The following SESN3 variants were observed in gnomAD, a reference collection of about 807,000 sequenced individuals.
The protein encoded by SESN3 is sestrin 3.
Under a neutral mutation model 55.3 loss-of-function variants are expected in SESN3, and 21 were observed. The ratio of observed to expected loss-of-function variants is 0.38; its 90% CI spans 0.27 to 0.55. The LOEUF is 0.55. SESN3 is among the 20% of genes least tolerant of loss of function. The pLI is 0.76. For synonymous variants in SESN3, 181 were observed against 203.1 expected, an observed-to-expected ratio of 0.89 and a Z score of 0.93; for missense variants, 408 against 604.3, an observed-to-expected ratio of 0.68 and a Z score of 3.41.
Position 95,171,427 on chromosome 11 carries a change from A to T in SESN3, c.*1828T>A, listed in dbSNP as rs1165730287. ...TCAAACAGGATCCTGGAATCCAAAA[A>T]TGCAGAACTACCTTATGTTAATAAG... On this transcript the variant is annotated 3_prime_UTR_variant, in exon 10 of 10. Transcript: ENST00000536441. 1 of 152,146 alleles carries T rather than the reference A, an allele frequency of 6.6e-6. No homozygotes were observed. Among genetic ancestry groups the T allele is most frequent in the Non-Finnish European group, 1.5e-5 (1 of 67,986 alleles). The allele number at this position is 152,146 out of a possible 1,614,324, so 9.4% of individuals were successfully genotyped here.
chr11:95,185,599 C>G, intron 4 of SESN3, 107 bp from the exon 5 acceptor site: 2 of 724,232 alleles, frequency 2.8e-6, no homozygotes, highest in Admixed American at 4.9e-5. Context: ...AGTAATAAAA[C>G]TTAAAACTCT....
chr11:95,225,626 C>T (rs1266198644), intron 1 of SESN3, among the ~76,000 whole-genome samples: 1 of 152,122 alleles, frequency 6.6e-6, no homozygotes, highest in Non-Finnish European at 1.5e-5. Flanking sequence ...GACCAGGCCA[C>T]TTAAATCTTC....
chr11:95,177,631 G>A (rs1010673827), intron 8 of SESN3, 88 bp downstream of exon 8: 6 of 865,912 alleles, frequency 6.9e-6, no homozygotes, highest in Non-Finnish European at 1.1e-5. Flanking sequence ...TCTTCCCAGA[G>A]TCATATACTC....
At chr11:95,181,797 A>G (rs1346486952) in intron 6 of SESN3, among the ~76,000 whole-genome samples, 2 of 152,082 alleles carry the variant, frequency 1.3e-5, no homozygotes, top group Non-Finnish European at 2.9e-5. Context: ...TTTAATACCA[A>G]AAAAAACCCT....
intron 2 of SESN3, 145 bp from the exon 3 acceptor site, chr11:95,191,746 CAG>C (rs1386347758): frequency 1.3e-5 from 8 of 630,580 alleles, no homozygotes; most frequent in African/African-American, 9.2e-5. Context: ...ATACTGGAAA[CAG>C]AAATAAAAAA....
At chr11:95,195,089 T>C (rs372105933) in intron 1 of SESN3, among the ~76,000 whole-genome samples, 3 of 152,192 alleles carry the variant, frequency 2.0e-5, no homozygotes, top group East Asian at 3.9e-4. Context: ...TAAATCGAAA[T>C]CTTTAAATAA....
chr11:95,184,372 G>A (rs750080308), intron 6 of SESN3, 48 bp downstream of exon 6: 3 of 1,534,216 alleles, frequency 2.0e-6, no homozygotes, highest in Non-Finnish European at 2.7e-6. Context: ...AAGTTGCCCT[G>A]TCAGGGTTCT....
rs1306750538 is a variant in SESN3 at position 95,189,970 on chromosome 11, C to A, written c.343-9G>T. Reference sequence around the variant, plus strand: ...TGATGTCTAGCTGCAGCCTAAAGCACAAAGAAAAAAATTCATTGATAAAAG... The same window carrying A: ...TGATGTCTAGCTGCAGCCTAAAGCAAAAAGAAAAAAATTCATTGATAAAAG... On this transcript the variant is annotated splice_polypyrimidine_tract_variant and intron_variant, in intron 3 of 9. Coordinates refer to ENST00000536441, the MANE Select transcript of SESN3 (RefSeq NM_144665.4). 1 of 1,566,130 alleles carries A rather than the reference C, an allele frequency of 6.4e-7. No individual in the cohort carries two copies. Among genetic ancestry groups the A allele is most frequent in the Non-Finnish European group, 8.6e-7 (1 of 1,160,494 alleles).
rs980979311 is a variant in SESN3 at position 95,166,469 on chromosome 11, G to A, written c.*6786C>T. 1 of 152,194 alleles carries A rather than the reference G, an allele frequency of 6.6e-6. No individual in the cohort carries two copies. The highest frequency in any genetic ancestry group is 2.4e-5 in the African/African-American group (1 of 41,452). 9.4% of individuals were successfully genotyped at this position (152,194 alleles called of 1,614,324 possible). On this transcript the variant is annotated 3_prime_UTR_variant, in exon 10 of 10. Transcript: ENST00000536441. The stretch of plus-strand genomic sequence containing the variant: ...TAAGGATAAATGTCTAACATTGAAA[G>A]TCAAGAAGTTGGCAATCTGATTTCA...
chr11:95,200,182 A>AAC (rs1406892012), intron 1 of SESN3, among the ~76,000 whole-genome samples: 1 of 152,092 alleles, frequency 6.6e-6, no homozygotes, highest in African/African-American at 2.4e-5. Context: ...AGTAGGTATA[A>AAC]ACAGGCAGCT....
At chr11:95,231,255 C>A (rs1288361506), upstream of SESN3, 10 of 394,306 alleles carry the variant, frequency 2.5e-5, no homozygotes, top group East Asian at 3.3e-4. Context: ...TCCGGTACCG[C>A]CCCTCCCGCC....
chr11:95,174,200 C>A (rs1421469184), intron 9 of SESN3, among the ~76,000 whole-genome samples: 2 of 152,160 alleles, frequency 1.3e-5, no homozygotes, highest in Non-Finnish European at 2.9e-5. Context: ...CTGCTAAGAT[C>A]ATACAGTTTA....
At chr11:95,215,304 A>G (rs990849924) in intron 1 of SESN3, among the ~76,000 whole-genome samples, 9 of 151,920 alleles carry the variant, frequency 5.9e-5, no homozygotes, top group African/African-American at 1.9e-4. Context: ...GTTGATACTG[A>G]TGCTGCTGGT....
Position 95,196,626 on chromosome 11 carries a change from GC to G in SESN3, c.79-3105del, listed in dbSNP as rs1481989910. On this transcript the variant is annotated intron_variant, in intron 1 of 9. Transcript: ENST00000536441. ...ACGTTCCCCAACATGGTAAGCATCA[GC>G]CACATATGGCTAAATTTAAATGAAT... 3.3e-5 allele frequency among the ~76,000 whole-genome samples: 5 copies of G among 152,004 alleles called. 1 individual carries two copies. The highest frequency in any genetic ancestry group is 4.4e-5 in the Non-Finnish European group (3 of 67,988).
chr11:95,197,778 T>C (rs1216052005), intron 1 of SESN3, among the ~76,000 whole-genome samples: 2 of 152,086 alleles, frequency 1.3e-5, no homozygotes, highest in Non-Finnish European at 2.9e-5. Context: ...GGGAAGACGA[T>C]GGAGCAGATG....
At chr11:95,185,586 T>TA in intron 4 of SESN3, 94 bp from the exon 5 acceptor site, 1 of 794,808 alleles carries the variant, frequency 1.3e-6, no homozygotes, top group South Asian at 1.6e-5. Context: ...TATATCCACT[T>TA]AGAGTAATAA....
chr11:95,231,509 TA>T (rs759248685), upstream of SESN3: 19 of 181,006 alleles, frequency 1.0e-4, no homozygotes, highest in Non-Finnish European at 1.8e-4. Context: ...TATGCAAATA[TA>T]CTGCCCTCCA....
rs1341855759 is a variant in SESN3 at position 95,170,547 on chromosome 11, A to AT, written c.*2707dup. On this transcript the variant is annotated 3_prime_UTR_variant, in exon 10 of 10. Coordinates refer to ENST00000536441, the MANE Select transcript of SESN3 (RefSeq NM_144665.4). ...CAGATATCTCTTTTAAAAATATCAC[A>AT]TTTTAATATAAAAAGCTATACTATA... 1.3e-5 allele frequency: 2 copies of AT among 152,188 alleles called. No homozygotes were observed. The highest frequency in any genetic ancestry group is 4.8e-5 in the African/African-American group (2 of 41,458). The allele number at this position is 152,188 out of a possible 1,614,324, so 9.4% of individuals were successfully genotyped here.
At chr11:95,212,181 C>T (rs1033597614) in intron 1 of SESN3, among the ~76,000 whole-genome samples, 2 of 152,070 alleles carry the variant, frequency 1.3e-5, no homozygotes, top group Non-Finnish European at 1.5e-5. Context: ...ATTTAACTAC[C>T]CTTCTTTTCC....
Sources: allele counts gnomAD v4.1 joint callset (sites outside exome capture counted in the v4.1 genomes callset), GRCh38; gene constraint gnomAD v4.1.1; transcripts MANE v1.5; gene names NCBI Gene and HGNC (gene_info 2026-07-23, HGNC 2026-07-21).